Variants in EPB41L1 observed in about 807,000 individuals in gnomAD.
The protein encoded by EPB41L1 is erythrocyte membrane protein band 4.1 like 1.
In EPB41L1, 29 loss-of-function variants were observed where a neutral mutation model predicts 97.8. The observed-to-expected ratio is 0.30, with a 90% CI of 0.22 to 0.40. The LOEUF (loss-of-function observed/expected upper bound fraction) is 0.40, where lower values mean the gene tolerates loss of function less well. Ranked by LOEUF, EPB41L1 falls within the 10% of genes least tolerant of loss-of-function variation. The probability of loss-of-function intolerance (pLI) is 1.00; values close to 1 mark genes in which losing one functional copy is unlikely to be tolerated. For synonymous variants in EPB41L1, 383 were observed against 459.2 expected, an observed-to-expected ratio of 0.83 and a Z score of 2.12; for missense variants, 812 against 1,162.3, an observed-to-expected ratio of 0.70 and a Z score of 4.38.
chr20:36,211,362 C>T (rs765991035), intron 15 of EPB41L1, among the ~76,000 whole-genome samples: 7 of 152,118 alleles, frequency 4.6e-5, no homozygotes, highest in Admixed American at 3.9e-4. Flanking sequence ...GCCTGGGCAA[C>T]GGAACGAGAT....
intron 1 of EPB41L1, among the ~76,000 whole-genome samples, chr20:36,109,346 T>C (rs1601252668): frequency 6.6e-6 from 1 of 152,208 alleles, no homozygotes; most frequent in Admixed American, 6.5e-5. Flanking sequence ...GCAATTCTCT[T>C]TGCTGAACTT....
At chr20:36,217,117 A>G (rs1208219925) in intron 17 of EPB41L1, among the ~76,000 whole-genome samples, 1 of 152,174 alleles carries the variant, frequency 6.6e-6, no homozygotes, top group East Asian at 1.9e-4. Context: ...TGATGGGGGA[A>G]AGTGCTCTTT....
intron 19 of EPB41L1, 84 bp from the exon 20 acceptor site, chr20:36,221,780 G>T: frequency 1.7e-6 from 2 of 1,166,610 alleles, no homozygotes; most frequent in Non-Finnish European, 2.6e-6. Flanking sequence ...CCCTGCCCTC[G>T]AGAGATGATT....
chr20:36,127,138 T>C (rs2059003162), intron 2 of EPB41L1, among the ~76,000 whole-genome samples: 2 of 152,180 alleles, frequency 1.3e-5, no homozygotes, highest in Admixed American at 1.3e-4. Flanking sequence ...CCGCCTCCCA[T>C]CTGAGATGAG....
chr20:36,175,480 G>C (rs968881878), intron 2 of EPB41L1, 71 bp from the exon 3 acceptor site: 2 of 1,587,420 alleles, frequency 1.3e-6, no homozygotes, highest in Non-Finnish European at 1.7e-6. Context: ...CCTCTATATT[G>C]CTTCTTACTT....
At chr20:36,120,705 C>T (rs1236921133) in intron 2 of EPB41L1, among the ~76,000 whole-genome samples, 3 of 152,110 alleles carry the variant, frequency 2.0e-5, no homozygotes, top group Non-Finnish European at 4.4e-5. Flanking sequence ...ATTTAGTCCG[C>T]AAATTTTTAT....
rs139343596 is a variant in EPB41L1, at chr20:36,142,033, C to T, written c.-10+29553C>T. On this transcript the variant is annotated intron_variant, in intron 2 of 19. Coordinates refer to the EPB41L1 transcript ENST00000202028. ...CTGAGGTGGGAGAATTGCTTGAACC[C>T]AGGAGGCGGAGGTTGCAGTGAGCCG... 3.3e-3 allele frequency among the ~76,000 whole-genome samples: 490 copies of T among 150,512 alleles called. 1 individual carries two copies. Among genetic ancestry groups the T allele is most frequent in the Non-Finnish European group, 4.5e-3 (305 of 67,820 alleles).
In EPB41L1 at chr20:36,188,512, T is replaced by TG; in HGVS notation, c.1026+16dup. ...CCGGCCTGGGGAGGTGAGTCTGCCTTGGGAAACACTCCTCCTCACCGGAAT... is the reference window on the plus strand; with the variant it reads ...CCGGCCTGGGGAGGTGAGTCTGCCTTGGGGAAACACTCCTCCTCACCGGAAT... On this transcript the variant is annotated intron_variant, in intron 9 of 21. Transcript: ENST00000338074. 1 of 1,603,708 alleles carries TG rather than the reference T, an allele frequency of 6.2e-7. No homozygotes were observed. The highest frequency in any genetic ancestry group is 1.4e-5 in the African/African-American group (1 of 73,794).
chr20:36,194,530 G>T (rs531584494), intron 12 of EPB41L1, among the ~76,000 whole-genome samples, 170 bp downstream of exon 12: 1 of 152,328 alleles, frequency 6.6e-6, no homozygotes, highest in African/African-American at 2.4e-5. Context: ...CCTGGCCCTT[G>T]CCGGGATGGG....
chr20:36,203,370 T>A (rs1302651442), intron 14 of EPB41L1, among the ~76,000 whole-genome samples: 1 of 152,258 alleles, frequency 6.6e-6, no homozygotes, highest in Non-Finnish European at 1.5e-5. Flanking sequence ...TTAAATTTAA[T>A]AACTCAGACA....
chr20:36,132,619 C>A (rs2059261035), intron 2 of EPB41L1, among the ~76,000 whole-genome samples: 1 of 148,774 alleles, frequency 6.7e-6, no homozygotes, highest in Non-Finnish European at 1.5e-5. Flanking sequence ...TAGCAAAGAT[C>A]TCTCTGGATT....
At chr20:36,222,094 G>A in intron 20 of EPB41L1, 150 bp downstream of exon 20, 2 of 1,019,372 alleles carry the variant, frequency 2.0e-6, no homozygotes, top group Non-Finnish European at 3.1e-6. Context: ...CAAGAGAGGG[G>A]CATTGGATGG....
chr20:36,150,808 T>C (rs775794458), upstream of EPB41L1: 5 of 152,242 alleles, frequency 3.3e-5, no homozygotes, highest in Non-Finnish European at 5.9e-5. Flanking sequence ...CTAGATTGAT[T>C]GTGAATTCAA....
rs766032605 is a variant in EPB41L1 at position 36,194,223 on chromosome 20, C to G, written c.1312C>G (p.Arg438Gly). Reference protein sequence around the residue: ...SRSLDGAEFSRPASVSENHDA... With the variant: ...SRSLDGAEFSGPASVSENHDA... ...TCCACCCACTTCAGCAGAGTTCTCCCGCCCAGCCTCGGTCAGCGAGAACCA... is the reference window on the plus strand; with the variant it reads ...TCCACCCACTTCAGCAGAGTTCTCCGGCCCAGCCTCGGTCAGCGAGAACCA... The change falls in exon 12 of 22, where the codon CGC becomes GGC. Residue 438 changes from arginine (R) to glycine (G), a missense_variant. By Grantham distance (125) the Arg-to-Gly change is moderately radical. This residue lies in a region of EPB41L1 where 498 missense variants were observed against 622.7 expected (regional missense o/e 0.80). Coordinates refer to ENST00000338074, the MANE Select transcript of EPB41L1 (RefSeq NM_012156.2). 2 of 1,613,826 alleles carry G rather than the reference C, an allele frequency of 1.2e-6. No individual in the cohort carries two copies. The highest frequency in any genetic ancestry group is 3.3e-5 in the Admixed American group (2 of 60,024).
chr20:36,127,555 C>T (rs927827247), intron 2 of EPB41L1, among the ~76,000 whole-genome samples: 6 of 152,186 alleles, frequency 3.9e-5, no homozygotes, highest in Non-Finnish European at 7.3e-5. Context: ...TGCCCCAGGC[C>T]TTTCATCCTT....
intron 1 of EPB41L1, among the ~76,000 whole-genome samples, chr20:36,095,608 G>C (rs1414494771): frequency 6.6e-6 from 1 of 152,186 alleles, no homozygotes; most frequent in Non-Finnish European, 1.5e-5. Context: ...TTGTTACCCA[G>C]GTTCAGGAAT....
chr20:36,105,647 A>AG (rs2147533959), intron 1 of EPB41L1, among the ~76,000 whole-genome samples: 1 of 152,194 alleles, frequency 6.6e-6, no homozygotes, highest in African/African-American at 2.4e-5. Context: ...GAAGGAGGGG[A>AG]GGGGGCCACT....
At chr20:36,193,545 C>T (rs533004327) in intron 11 of EPB41L1, among the ~76,000 whole-genome samples, 1 of 152,172 alleles carries the variant, frequency 6.6e-6, no homozygotes, top group Admixed American at 6.5e-5. Flanking sequence ...ATGCGTGATG[C>T]GAAGTCTAGT....
chr20:36,197,096 T>G (rs1010288804), intron 13 of EPB41L1, among the ~76,000 whole-genome samples: 7 of 152,108 alleles, frequency 4.6e-5, no homozygotes, highest in African/African-American at 1.7e-4. Flanking sequence ...TCACCCTGTC[T>G]GCTATTGGTG....
Sources: allele counts gnomAD v4.1 joint callset (sites outside exome capture counted in the v4.1 genomes callset), GRCh38; gene constraint gnomAD v4.1.1; regional missense constraint gnomAD v4.1.1; transcripts MANE v1.5; gene names NCBI Gene and HGNC (gene_info 2026-07-23, HGNC 2026-07-21).